Variants in AUTS2 observed in about 807,000 individuals in gnomAD.
AUTS2 encodes autism susceptibility gene 2 protein.
AUTS2 carries 17 observed loss-of-function variants against 112.4 expected under a neutral mutation model. That is an observed-to-expected ratio of 0.15 (90% confidence interval 0.10 to 0.23). The LOEUF is 0.23. AUTS2 is among the 10% of genes least tolerant of loss of function. The pLI is 1.00. For synonymous variants in AUTS2, 751 were observed against 702.7 expected, an observed-to-expected ratio of 1.07 and a Z score of -1.09; for missense variants, 1,510 against 1,701.6, an observed-to-expected ratio of 0.89 and a Z score of 1.98.
chr7:70,046,735 A>G (rs925014770), intron 2 of AUTS2, among the ~76,000 whole-genome samples: 70 of 152,150 alleles, frequency 4.6e-4, no homozygotes, highest in African/African-American at 1.7e-3. Context: ...ATTTCTTTTT[A>G]TCATGTTTCT....
At chr7:70,422,602 C>A (rs1210330279) in intron 4 of AUTS2, among the ~76,000 whole-genome samples, 1 of 152,034 alleles carries the variant, frequency 6.6e-6, no homozygotes, top group Admixed American at 6.6e-5. Context: ...CCTGGTGAAA[C>A]CCTGTCTGTA....
intron 4 of AUTS2, among the ~76,000 whole-genome samples, chr7:70,416,191 A>G (rs1388221155): frequency 6.6e-6 from 1 of 152,208 alleles, no homozygotes; most frequent in African/African-American, 2.4e-5. Context: ...AAAGGAAGAT[A>G]TGTGCAATTT....
chr7:69,634,372 G>A (rs1314956917), intron 1 of AUTS2, among the ~76,000 whole-genome samples: 5 of 151,972 alleles, frequency 3.3e-5, no homozygotes, highest in East Asian at 3.9e-4. Context: ...CGCCCGCCTC[G>A]GCCTCCCAAA....
intron 4 of AUTS2, among the ~76,000 whole-genome samples, chr7:70,375,403 T>A (rs1259497075): frequency 6.6e-6 from 1 of 152,166 alleles, no homozygotes; most frequent in South Asian, 2.1e-4. Flanking sequence ...CCAGCCTCAT[T>A]TACTGGTTTC....
chr7:70,777,509 GT>G (rs1485510148), intron 14 of AUTS2, among the ~76,000 whole-genome samples: 1 of 151,536 alleles, frequency 6.6e-6, no homozygotes, highest in East Asian at 1.9e-4. Context: ...CTTGATTGTT[GT>G]TTTTGTAGAG....
intron 1 of AUTS2, among the ~76,000 whole-genome samples, chr7:69,737,768 G>A (rs1212292268): frequency 6.6e-6 from 1 of 152,064 alleles, no homozygotes; most frequent in Non-Finnish European, 1.5e-5. Context: ...ATGCATAAAA[G>A]CCTTGTTACA....
chr7:69,964,688 T>G (rs1018400196), intron 2 of AUTS2, among the ~76,000 whole-genome samples: 2 of 151,936 alleles, frequency 1.3e-5, no homozygotes, highest in Non-Finnish European at 2.9e-5. Context: ...TCGGTGAGCT[T>G]TTGGACTTAG....
intron 5 of AUTS2, among the ~76,000 whole-genome samples, chr7:70,547,256 G>A (rs1338969353): frequency 6.6e-6 from 1 of 152,024 alleles, no homozygotes; most frequent in Non-Finnish European, 1.5e-5. Context: ...TACAATGTTG[G>A]TGGGTTTTTG....
At position 70,008,390 on chromosome 7, in the gene AUTS2, T is replaced by G. The variant is rs542977188; in HGVS notation, c.522+108892T>G. On this transcript the variant is annotated intron_variant, in intron 2 of 18. Coordinates refer to ENST00000342771, the MANE Select transcript of AUTS2 (RefSeq NM_015570.4). ...ATACTTTTTGTTTTTGTTTTGCTAC[T>G]TCCTTTAAAAAATATTATGCATTAT... is the stretch of plus-strand genomic sequence containing the variant. Among the ~76,000 whole-genome samples, 50 of 152,304 alleles carry G rather than the reference T, an allele frequency of 3.3e-4. 1 individual carries two copies. The highest frequency in any genetic ancestry group is 1.2e-3 in the African/African-American group (49 of 41,572).
intron 1 of AUTS2, among the ~76,000 whole-genome samples, chr7:69,770,464 A>G (rs867827218): frequency 1.3e-5 from 2 of 152,220 alleles, no homozygotes; most frequent in South Asian, 2.1e-4. Context: ...CAGTGGGAGC[A>G]TCCTGGCTAC....
At chr7:69,916,199 G>A (rs1009264195) in intron 2 of AUTS2, among the ~76,000 whole-genome samples, 1 of 152,186 alleles carries the variant, frequency 6.6e-6, no homozygotes, top group Non-Finnish European at 1.5e-5. Context: ...TTGTTAGGAA[G>A]TGTTACAAAT....
At chr7:70,003,444 AAT>A (rs1295422247) in intron 2 of AUTS2, among the ~76,000 whole-genome samples, 5 of 90,764 alleles carry the variant, frequency 5.5e-5, no homozygotes, top group Admixed American at 2.2e-4. Context: ...GTTATATATG[AAT>A]ATATATAATA....
intron 1 of AUTS2, among the ~76,000 whole-genome samples, chr7:69,723,231 TAG>T (rs1334672456): frequency 3.3e-5 from 5 of 152,096 alleles, no homozygotes; most frequent in African/African-American, 1.2e-4. Context: ...TGTGTATATA[TAG>T]AGTGTTATAT....
At chr7:69,863,027 T>C (rs1003331956) in intron 1 of AUTS2, among the ~76,000 whole-genome samples, 1 of 152,062 alleles carries the variant, frequency 6.6e-6, no homozygotes, top group African/African-American at 2.4e-5. Flanking sequence ...ATACCACACA[T>C]GTTCTTTTCC....
intron 1 of AUTS2, among the ~76,000 whole-genome samples, chr7:69,610,543 C>T (rs1053603722): frequency 6.6e-6 from 1 of 152,154 alleles, no homozygotes; most frequent in Non-Finnish European, 1.5e-5. Context: ...TCCTCTGAGA[C>T]AGTTTCCTGC....
chr7:70,007,085 A>G (rs763715279), intron 2 of AUTS2, among the ~76,000 whole-genome samples: 5 of 152,288 alleles, frequency 3.3e-5, no homozygotes, highest in South Asian at 2.1e-4. Context: ...ATTTCTTCCA[A>G]TATTTTTCTT....
intron 1 of AUTS2, among the ~76,000 whole-genome samples, chr7:69,634,104 G>C (rs909837884): frequency 1.3e-5 from 2 of 151,974 alleles, no homozygotes; most frequent in Non-Finnish European, 2.9e-5. Flanking sequence ...AAGGAAGGAG[G>C]CCTCACCAGA....
chr7:69,774,576 A>G lies in AUTS2; in HGVS notation c.310-124710A>G, dbSNP rs76303044. ...ACATCATGAAAATGCTTCAATAAGC[A>G]AGTATTTATTTATTTTAAACAACAA... On this transcript the variant is annotated intron_variant, in intron 1 of 18. Transcript: ENST00000342771. 2.9e-3 allele frequency among the ~76,000 whole-genome samples: 435 copies of G among 152,362 alleles called. 1 individual carries two copies. The highest frequency in any genetic ancestry group is 0.01 in the Middle Eastern group (3 of 294).
chr7:70,376,789 C>T (rs762632772), intron 4 of AUTS2, among the ~76,000 whole-genome samples: 1 of 150,720 alleles, frequency 6.6e-6, no homozygotes, highest in Non-Finnish European at 1.5e-5. Context: ...AACAGTTTCA[C>T]ATTGTCTTTG....
Sources: allele counts gnomAD v4.1 joint callset (sites outside exome capture counted in the v4.1 genomes callset), GRCh38; gene constraint gnomAD v4.1.1; transcripts MANE v1.5; gene names NCBI Gene and HGNC (gene_info 2026-07-23, HGNC 2026-07-21).